ZNF680: variants seen among roughly 807,000 people sequenced by gnomAD.
ZNF680 encodes the protein hypothetical protein FLJ90430.
In ZNF680, 6 loss-of-function variants were observed where a neutral mutation model predicts 12.1. The ratio of observed to expected loss-of-function variants is 0.49; its 90% CI spans 0.27 to 0.98. The LOEUF (loss-of-function observed/expected upper bound fraction) is 0.98. ZNF680 is among the 50% of genes least tolerant of loss of function. ZNF680 has a pLI of 0.12. For missense variants in ZNF680, 561 were observed against 616.3 expected, an observed-to-expected ratio of 0.91 and a Z score of 0.95; for synonymous variants, 170 against 199.3, an observed-to-expected ratio of 0.85 and a Z score of 1.24.
At chr7:64,553,834 G>A (rs1457021675) in intron 1 of ZNF680, among the ~76,000 whole-genome samples, 1 of 152,172 alleles carries the variant, frequency 6.6e-6, no homozygotes, top group Non-Finnish European at 1.5e-5. Flanking sequence ...TGATCTGCCC[G>A]CCACGGCCTC....
chr7:64,526,411 C>T, intron 3 of ZNF680: 2 of 1,488,134 alleles, frequency 1.3e-6, no homozygotes, highest in South Asian at 2.7e-5. Context: ...ACATAGTAGC[C>T]TGGCAAAGTG....
intron 3 of ZNF680, chr7:64,524,551 T>C (rs1005894357): frequency 6.6e-6 from 1 of 152,164 alleles, no homozygotes; most frequent in East Asian, 1.9e-4. Context: ...ACAGTCAGAA[T>C]GAAAGAAACA....
At chr7:64,549,378 A>G (rs1053789980) in intron 1 of ZNF680, among the ~76,000 whole-genome samples, 2 of 152,196 alleles carry the variant, frequency 1.3e-5, no homozygotes, top group Admixed American at 6.5e-5. Context: ...ACATAACTGT[A>G]GCAGGTCACT....
At chr7:64,516,253 G>A (rs2116335983), downstream of ZNF680, among the ~76,000 whole-genome samples, 1 of 152,210 alleles carries the variant, frequency 6.6e-6, no homozygotes, top group East Asian at 1.9e-4. Context: ...AAAACTCTAA[G>A]TGTTATCTCA....
rs143106795 is a variant in ZNF680, at chr7:64,544,561, G to C, written c.31-129C>G. The C allele has an allele frequency of 5.4e-5, 76 of 1,413,692 alleles. No homozygotes were observed. The East Asian group carries it at 1.8e-3, about 33-fold the overall frequency. The allele number at this position is 1,413,692 out of a possible 1,614,324, so 87.6% of individuals were successfully genotyped here. A position where few individuals can be genotyped will look rare whatever the true frequency, so the allele number is the denominator to read the frequency against. ...ATAGAAAACTGATTCTGACTTACAG[G>C]AGTGAGTCAAATTATACAATAAAAT... is the stretch of plus-strand genomic sequence containing the variant. On this transcript the variant is annotated intron_variant, in intron 1 of 3. Coordinates refer to ENST00000309683, the MANE Select transcript of ZNF680 (RefSeq NM_178558.5).
At position 64,544,431 on chromosome 7, in the gene ZNF680, C is replaced by T. The variant is rs1786672839; in HGVS notation, c.32G>A (p.Gly11Glu). Residue 11 changes from glycine to glutamate, a missense_variant and splice_region_variant, in exon 2 of 4, where the codon GGA becomes GAA. Physicochemically the swap from Gly to Glu is moderately conservative, Grantham distance 98. Coordinates refer to ENST00000309683, the MANE Select transcript of ZNF680 (RefSeq NM_178558.5). MPGPPGSLEM[G>E]PLTFRDVAIE... ...GGCCACATCCCTAAATGTCAGTGGT[C>T]CCTGAAAAACACACACACACACACA... 1 of 1,581,726 alleles carries T rather than the reference C, an allele frequency of 6.3e-7. No individual in the cohort carries two copies.
chr7:64,532,229 T>C (rs1584365369), intron 3 of ZNF680, among the ~76,000 whole-genome samples: 1 of 150,384 alleles, frequency 6.6e-6, no homozygotes, highest in Non-Finnish European at 1.5e-5. Flanking sequence ...GGCCTGAACC[T>C]GGGAGGCAGA....
At chr7:64,531,902 A>C (rs6960561) in intron 3 of ZNF680, among the ~76,000 whole-genome samples, 102,112 of 151,914 alleles carry the variant, frequency 0.67, 35,208 homozygotes, top group African/African-American at 0.84. Context: ...CAAGAAAAAA[A>C]CAAATCCAAA....
intron 1 of ZNF680, among the ~76,000 whole-genome samples, chr7:64,559,574 G>A (rs566365553): frequency 1.3e-5 from 2 of 152,052 alleles, no homozygotes; most frequent in East Asian, 3.9e-4. Flanking sequence ...TCTACCTCCT[G>A]GGTTCAAGCA....
At chr7:64,550,851 C>T (rs572061099) in intron 1 of ZNF680, among the ~76,000 whole-genome samples, 3 of 152,142 alleles carry the variant, frequency 2.0e-5, no homozygotes, top group Non-Finnish European at 2.9e-5. Context: ...TAGAGTAAAG[C>T]TTGGTTGGCG....
At chr7:64,536,155 T>C (rs1457727254) in intron 3 of ZNF680, among the ~76,000 whole-genome samples, 1 of 152,070 alleles carries the variant, frequency 6.6e-6, no homozygotes. Context: ...CATAGCAACA[T>C]AATAATTGTA....
intron 1 of ZNF680, among the ~76,000 whole-genome samples, chr7:64,557,579 AC>A (rs1254366155): frequency 4.2e-5 from 6 of 142,742 alleles, no homozygotes; most frequent in South Asian, 2.2e-4. Flanking sequence ...ACAAAAAAAA[AC>A]AAAACAAAAA....
chr7:64,530,877 T>A (rs7792261), intron 3 of ZNF680, among the ~76,000 whole-genome samples: 43,757 of 133,298 alleles, frequency 0.33, 6,662 homozygotes, highest in East Asian at 0.44. Context: ...AATTTAAAAA[T>A]AATAATAATA....
chr7:64,546,017 A>G (rs1440054606), intron 1 of ZNF680, among the ~76,000 whole-genome samples: 3 of 152,334 alleles, frequency 2.0e-5, no homozygotes, highest in South Asian at 2.1e-4. Context: ...GAATGTAAAG[A>G]AGGCTCTGGT....
intron 3 of ZNF680, among the ~76,000 whole-genome samples, 199 bp downstream of exon 3, chr7:64,543,508 G>A (rs757935503): frequency 4.6e-5 from 7 of 152,216 alleles, no homozygotes; most frequent in Non-Finnish European, 1.0e-4. Context: ...TCACTGATGG[G>A]AAAGTAGAAT....
At chr7:64,523,498 T>TAA (rs963875147) in intron 3 of ZNF680, among the ~76,000 whole-genome samples, 5 of 151,890 alleles carry the variant, frequency 3.3e-5, no homozygotes, top group African/African-American at 1.2e-4. Context: ...AAGAATCAAA[T>TAA]AAAACAATAA....
Position 64,522,454 on chromosome 7 carries a change from T to C in ZNF680, c.300A>G (p.Ile100Met). Residue 100 changes from isoleucine to methionine, a missense_variant, in exon 4 of 4, where the codon ATA becomes ATG. Ile to Met is a conservative substitution (Grantham distance 10). Coordinates refer to ENST00000309683, the MANE Select transcript of ZNF680 (RefSeq NM_178558.5). ...GTATCACTTTTTGAAAAGAATCTTT[T>C]ATGCTATGCTCTGGCCAAAGGTCTT... ...FTEDLWPEHSIKDSFQKVILR... is the reference protein window; with the variant it reads ...FTEDLWPEHSMKDSFQKVILR... 1 of 1,591,566 alleles carries C rather than the reference T, an allele frequency of 6.3e-7. No homozygotes were observed. Among genetic ancestry groups the C allele is most frequent in the Non-Finnish European group, 8.5e-7 (1 of 1,170,334 alleles).
chr7:64,504,580 T>C, the ZNF680 span, among the ~76,000 whole-genome samples: 1 of 152,204 alleles, frequency 6.6e-6, no homozygotes, highest in Non-Finnish European at 1.5e-5. Flanking sequence ...ATTCATACTT[T>C]TTATAATATG....
downstream of ZNF680, among the ~76,000 whole-genome samples, chr7:64,516,168 T>G (rs928967724): frequency 2.6e-5 from 4 of 152,222 alleles, no homozygotes; most frequent in Non-Finnish European, 5.9e-5. Context: ...AAAGCTTTCT[T>G]CTTTTGCTTA....
Sources: allele counts gnomAD v4.1 joint callset (sites outside exome capture counted in the v4.1 genomes callset), GRCh38; gene constraint gnomAD v4.1.1; transcripts MANE v1.5; gene names NCBI Gene and HGNC (gene_info 2026-07-23, HGNC 2026-07-21).